Variants in TNS3 observed in about 807,000 individuals in gnomAD.
TNS3 encodes the protein tensin-3.
TNS3 carries 45 observed loss-of-function variants against 140.9 expected under a neutral mutation model. The observed-to-expected ratio is 0.32, with a 90% CI of 0.25 to 0.41. The LOEUF is 0.41. Ranked by LOEUF, TNS3 falls within the 10% of genes least tolerant of loss-of-function variation. The pLI is 1.00. For missense variants in TNS3, 1,716 were observed against 1,906.7 expected, an observed-to-expected ratio of 0.90 and a Z score of 1.86; for synonymous variants, 815 against 788.4, an observed-to-expected ratio of 1.03 and a Z score of -0.56.
chr7:47,350,686 C>T (rs1280520680), intron 17 of TNS3, among the ~76,000 whole-genome samples: 1 of 152,150 alleles, frequency 6.6e-6, no homozygotes, highest in Non-Finnish European at 1.5e-5. Context: ...TCACAGGGGA[C>T]GAGTCCTCAA....
chr7:47,275,223 C>T lies in TNS3; in HGVS notation c.*2853G>A, dbSNP rs903034183. The T allele has an allele frequency of 6.6e-6, 1 of 152,560 alleles. No individual in the cohort carries two copies. Among genetic ancestry groups the T allele is most frequent in the Non-Finnish European group, 1.5e-5 (1 of 68,036 alleles). 9.5% of individuals were successfully genotyped at this position (152,560 alleles called of 1,614,324 possible). ...TTAAGGAGCAGAGAAAATGACTATACAAAAGATTTATAGAACATTCATTTA... is the reference window on the plus strand; with the variant it reads ...TTAAGGAGCAGAGAAAATGACTATATAAAAGATTTATAGAACATTCATTTA... On this transcript the variant is annotated 3_prime_UTR_variant, in exon 31 of 31. Transcript: ENST00000311160.
chr7:47,415,310 G>A lies in TNS3; in HGVS notation c.474-104C>T, dbSNP rs924766966. ...ATCCTGGCTGAGTCTGGGGCTCTGG[G>A]AGAGAATCGGTCCACTGCTCACAGC... On this transcript the variant is annotated intron_variant, in intron 10 of 30. Coordinates refer to ENST00000311160, the MANE Select transcript of TNS3 (RefSeq NM_022748.12). 21 of 749,762 alleles carry A rather than the reference G, an allele frequency of 2.8e-5. No individual in the cohort carries two copies. In the Admixed American group the frequency reaches 6.4e-4, roughly 23 times the overall value. 46.4% of individuals were successfully genotyped at this position (749,762 alleles called of 1,614,324 possible).
At chr7:47,314,281 C>T (rs536360855) in intron 20 of TNS3, among the ~76,000 whole-genome samples, 15 of 152,314 alleles carry the variant, frequency 9.8e-5, no homozygotes, top group Non-Finnish European at 1.8e-4. Context: ...ACCCTGCAGG[C>T]GCTGTGCTTG....
intron 8 of TNS3, among the ~76,000 whole-genome samples, chr7:47,433,044 G>T (rs898904005): frequency 3.9e-5 from 6 of 152,176 alleles, no homozygotes; most frequent in African/African-American, 7.2e-5. Flanking sequence ...AATAACCAGG[G>T]TGTGGAGGGG....
At chr7:47,575,230 CA>C (rs1305943955) in intron 1 of TNS3, among the ~76,000 whole-genome samples, 1 of 152,186 alleles carries the variant, frequency 6.6e-6, no homozygotes, top group Non-Finnish European at 1.5e-5. Context: ...CTGTCATCAG[CA>C]GTCATATTTA....
intron 23 of TNS3, among the ~76,000 whole-genome samples, chr7:47,297,920 G>C (rs1018640351): frequency 4.6e-5 from 7 of 151,402 alleles, no homozygotes; most frequent in Non-Finnish European, 7.4e-5. Context: ...CGGAGTAGCT[G>C]GGACTACAGG....
intron 4 of TNS3, among the ~76,000 whole-genome samples, chr7:47,454,962 G>A (rs566875137): frequency 3.4e-4 from 52 of 152,186 alleles, no homozygotes; most frequent in Non-Finnish European, 6.2e-4. Context: ...ATGCCCTGCA[G>A]AGCTGCGTTC....
At chr7:47,496,307 C>G (rs1255684720) in intron 3 of TNS3, among the ~76,000 whole-genome samples, 1 of 152,196 alleles carries the variant, frequency 6.6e-6, no homozygotes, top group Non-Finnish European at 1.5e-5. Flanking sequence ...AGGGCTCCTG[C>G]AGATGGCAGC....
intron 3 of TNS3, among the ~76,000 whole-genome samples, chr7:47,484,699 C>A (rs1055764207): frequency 1.3e-4 from 20 of 152,234 alleles, no homozygotes; most frequent in African/African-American, 4.8e-4. Flanking sequence ...GATCTACAGG[C>A]TGCCCTGCCT....
intron 14 of TNS3, 58 bp downstream of exon 14, chr7:47,400,727 C>T (rs1309959630): frequency 1.9e-6 from 3 of 1,598,930 alleles, no homozygotes. Context: ...AAAGAATCAA[C>T]CAAGGAGGTT....
chr7:47,416,453 C>T (rs759763042), intron 10 of TNS3, among the ~76,000 whole-genome samples: 1 of 152,238 alleles, frequency 6.6e-6, no homozygotes, highest in Non-Finnish European at 1.5e-5. Flanking sequence ...TTATAGTCCA[C>T]CCACTAGGAA....
At chr7:47,522,612 A>G (rs1055122000) in intron 2 of TNS3, among the ~76,000 whole-genome samples, 2 of 152,204 alleles carry the variant, frequency 1.3e-5, no homozygotes, top group East Asian at 1.9e-4. Context: ...CTTCTGAAAC[A>G]TGGAATCCTG....
intron 2 of TNS3, among the ~76,000 whole-genome samples, chr7:47,521,346 G>C (rs949631458): frequency 2.6e-5 from 4 of 152,176 alleles, no homozygotes; most frequent in African/African-American, 9.7e-5. Context: ...GGTCACCGTG[G>C]GCATCGCAAT....
At chr7:47,570,430 G>A (rs1290879390) in intron 1 of TNS3, among the ~76,000 whole-genome samples, 1 of 152,176 alleles carries the variant, frequency 6.6e-6, no homozygotes, top group African/African-American at 2.4e-5. Flanking sequence ...ACAACAACTT[G>A]CAATGTGGCT....
chr7:47,321,201 T>C (rs1332683313), intron 20 of TNS3, among the ~76,000 whole-genome samples: 1 of 152,216 alleles, frequency 6.6e-6, no homozygotes, highest in Non-Finnish European at 1.5e-5. Flanking sequence ...CTCCTCTCTT[T>C]GTGTTTTTGT....
chr7:47,316,592 G>A (rs1424991036), intron 20 of TNS3, among the ~76,000 whole-genome samples: 1 of 149,632 alleles, frequency 6.7e-6, no homozygotes, highest in African/African-American at 2.5e-5. Flanking sequence ...ACTTTGGGAG[G>A]CCAAGGCAGG....
intron 28 of TNS3, among the ~76,000 whole-genome samples, chr7:47,283,248 G>A (rs777363956): frequency 3.7e-4 from 57 of 152,168 alleles, no homozygotes; most frequent in Non-Finnish European, 5.4e-4. Flanking sequence ...CAGCTCAGGC[G>A]TAAGTCATTT....
At chr7:47,424,243 C>T (rs951978559) in intron 9 of TNS3, 59 bp from the exon 10 acceptor site, 37 of 1,570,914 alleles carry the variant, frequency 2.4e-5, no homozygotes, top group South Asian at 1.7e-4. Context: ...CACGTGGGTA[C>T]TTGACGGGGG....
Position 47,564,635 on chromosome 7 carries a change from C to CAA in TNS3, c.-265+17414_-265+17415dup, listed in dbSNP as rs749603752. Reference sequence around the variant, plus strand: ...TGGGCAACAGAGCAAGACTCCGTCTCAAAAAAAAAAAAAACAAAAAAAAAC... The same window carrying CAA: ...TGGGCAACAGAGCAAGACTCCGTCTCAAAAAAAAAAAAAAAACAAAAAAAAAC... On this transcript the variant is annotated intron_variant, in intron 1 of 30. Coordinates refer to ENST00000311160, the MANE Select transcript of TNS3 (RefSeq NM_022748.12). 4.8e-3 allele frequency among the ~76,000 whole-genome samples: 145 copies of CAA among 30,088 alleles called. 3 individuals are homozygous for CAA. Among genetic ancestry groups the CAA allele is most frequent in the Middle Eastern group, 0.033 (1 of 30 alleles). The allele number at this position is 30,088 out of a possible 152,430, so 19.7% of individuals were successfully genotyped here.
Sources: gnomAD v4.1 joint callset for allele counts (sites outside exome capture counted in the v4.1 genomes callset) on GRCh38, gnomAD v4.1.1 for gene constraint, MANE v1.5 for transcripts, NCBI Gene and HGNC (gene_info 2026-07-23, HGNC 2026-07-21) for gene names.